The following ZNF385D variants were observed in gnomAD, a reference collection of about 807,000 sequenced individuals.
ZNF385D encodes zinc finger protein 385D, also known as zinc finger protein 659.
A neutral mutation model predicts 35.8 loss-of-function variants in ZNF385D; 15 were observed. The observed-to-expected ratio is 0.42, with a 90% CI of 0.28 to 0.64. The LOEUF (loss-of-function observed/expected upper bound fraction) is 0.64. Ranked by LOEUF, ZNF385D falls within the 30% of genes least tolerant of loss-of-function variation. The pLI is 0.23. For synonymous variants in ZNF385D, 212 were observed against 186.8 expected (o/e 1.13, Z -1.10); for missense variants, 474 against 494.6 (o/e 0.96, Z 0.39).
rs552425620 is a variant in ZNF385D at position 21,766,961 on chromosome 3, G to A, written c.326-101933C>T. On this transcript the variant is annotated intron_variant, in intron 3 of 5. Coordinates refer to the ZNF385D transcript ENST00000494108. ...ATCCGACACTTGACTCAAGTTGTGA[G>A]CTCAATGGCCATATTTAGTGTAGCT... Among the ~76,000 whole-genome samples the A allele has an allele frequency of 6.6e-5, 10 of 152,134 alleles. 1 individual carries two copies. The South Asian group carries it at 2.1e-3, about 31-fold the overall frequency.
chr3:21,548,940 C>T (rs139025001), intron 3 of ZNF385D, among the ~76,000 whole-genome samples: 1 of 152,276 alleles, frequency 6.6e-6, no homozygotes, highest in African/African-American at 2.4e-5. Context: ...TACAAATAGA[C>T]ATCACTATGG....
intron 2 of ZNF385D, among the ~76,000 whole-genome samples, chr3:21,631,240 T>G (rs999356590): frequency 2.0e-5 from 3 of 152,098 alleles, no homozygotes; most frequent in Admixed American, 1.3e-4. Context: ...CTCACCTGTT[T>G]CCTTGCAGAC....
chr3:22,302,695 T>G (rs1702968992), intron 2 of ZNF385D, among the ~76,000 whole-genome samples: 1 of 152,102 alleles, frequency 6.6e-6, no homozygotes, highest in African/African-American at 2.4e-5. Context: ...TTAAGATAAC[T>G]ACCATTTTAG....
intron 3 of ZNF385D, among the ~76,000 whole-genome samples, chr3:21,842,659 T>C (rs891482066): frequency 6.6e-6 from 1 of 152,030 alleles, no homozygotes; most frequent in African/African-American, 2.4e-5. Flanking sequence ...TGTAAAACTC[T>C]GTAAGTGGAA....
At chr3:21,450,994 C>T (rs1218109028) in intron 4 of ZNF385D, among the ~76,000 whole-genome samples, 1 of 151,850 alleles carries the variant, frequency 6.6e-6, no homozygotes, top group East Asian at 1.9e-4. Flanking sequence ...TTTGTATTTG[C>T]TTATTAACTT....
chr3:21,931,690 G>A (rs1347638130), intron 3 of ZNF385D, among the ~76,000 whole-genome samples: 1 of 152,162 alleles, frequency 6.6e-6, no homozygotes, highest in East Asian at 1.9e-4. Context: ...TTCGGCTGGG[G>A]TGAGACCAGG....
At chr3:22,280,418 A>G (rs185551703) in intron 2 of ZNF385D, among the ~76,000 whole-genome samples, 1 of 150,562 alleles carries the variant, frequency 6.6e-6, no homozygotes, top group East Asian at 2.0e-4. Context: ...TTCAGATCTT[A>G]AAGTCTGATC....
At chr3:21,902,673 A>C (rs899367624) in intron 3 of ZNF385D, among the ~76,000 whole-genome samples, 1 of 152,160 alleles carries the variant, frequency 6.6e-6, no homozygotes, top group Non-Finnish European at 1.5e-5. Flanking sequence ...TTATTTCTAA[A>C]ACTTTATCTT....
intron 2 of ZNF385D, among the ~76,000 whole-genome samples, chr3:22,188,878 G>C (rs751338617): frequency 1.3e-4 from 20 of 152,006 alleles, no homozygotes; most frequent in Non-Finnish European, 2.1e-4. Context: ...TGGCAGTTCA[G>C]CTCTAACACT....
At chr3:21,807,791 T>C (rs1474119914) in intron 3 of ZNF385D, among the ~76,000 whole-genome samples, 1 of 152,174 alleles carries the variant, frequency 6.6e-6, no homozygotes, top group African/African-American at 2.4e-5. Context: ...TCTTCAAATA[T>C]GGCAGGATTT....
At chr3:21,976,096 G>A (rs1703606198) in intron 3 of ZNF385D, among the ~76,000 whole-genome samples, 1 of 152,122 alleles carries the variant, frequency 6.6e-6, no homozygotes. Flanking sequence ...AAACTAGAGG[G>A]ATCCTGAACC....
chr3:21,977,914 C>G (rs1281362731), intron 3 of ZNF385D, among the ~76,000 whole-genome samples: 1 of 152,090 alleles, frequency 6.6e-6, no homozygotes, highest in Non-Finnish European at 1.5e-5. Context: ...AGAATGCAGG[C>G]TGTTTAAGGG....
intron 2 of ZNF385D, among the ~76,000 whole-genome samples, chr3:21,597,503 A>G (rs2064159816): frequency 6.6e-6 from 1 of 152,160 alleles, no homozygotes; most frequent in Non-Finnish European, 1.5e-5. Flanking sequence ...GGAGAAAGAG[A>G]GAATGAGAGT....
chr3:21,496,505 C>G (rs943973957), intron 4 of ZNF385D, among the ~76,000 whole-genome samples: 7 of 125,780 alleles, frequency 5.6e-5, no homozygotes, highest in South Asian at 2.6e-4. Flanking sequence ...ATATATATAT[C>G]ATATATATAT....
At chr3:21,839,567 T>C (rs1479712953) in intron 3 of ZNF385D, among the ~76,000 whole-genome samples, 2 of 152,138 alleles carry the variant, frequency 1.3e-5, no homozygotes, top group African/African-American at 4.8e-5. Flanking sequence ...GCTAGCTTTT[T>C]CTATGATAAC....
chr3:21,469,648 CT>C (rs371630597), intron 4 of ZNF385D, among the ~76,000 whole-genome samples: 68 of 151,994 alleles, frequency 4.5e-4, no homozygotes, highest in Middle Eastern at 3.4e-3. Context: ...TACTCAAGTT[CT>C]TTTTTTAATA....
chr3:22,058,994 A>T (rs1397555057), intron 3 of ZNF385D, among the ~76,000 whole-genome samples: 1 of 152,104 alleles, frequency 6.6e-6, no homozygotes, highest in African/African-American at 2.4e-5. Flanking sequence ...AATTTCAATC[A>T]CCCCTAAACC....
At chr3:21,704,278 C>T (rs1380815226) in intron 1 of ZNF385D, among the ~76,000 whole-genome samples, 2 of 152,068 alleles carry the variant, frequency 1.3e-5, no homozygotes, top group African/African-American at 2.4e-5. Context: ...GGATTCTACT[C>T]AGGTCCTGCC....
In ZNF385D at chr3:21,567,611, T is replaced by G. The variant is rs143139115; in HGVS notation, c.166-2927A>C. 2.0e-3 allele frequency among the ~76,000 whole-genome samples: 304 copies of G among 152,202 alleles called. 1 individual carries two copies. The highest frequency in any genetic ancestry group is 7.1e-3 in the African/African-American group (296 of 41,528). ...CAGAAAGAGGTCATTGACTTACAGG[T>G]AGATGCCTTATCATGTTCTCTTGTG... On this transcript the variant is annotated intron_variant, in intron 2 of 7. Coordinates refer to ENST00000281523, the MANE Select transcript of ZNF385D (RefSeq NM_024697.3).
Sources: gnomAD v4.1 joint callset for allele counts (sites outside exome capture counted in the v4.1 genomes callset) on GRCh38, gnomAD v4.1.1 for gene constraint, MANE v1.5 for transcripts, NCBI Gene and HGNC (gene_info 2026-07-23, HGNC 2026-07-21) for gene names.